Variants in KCNK9 observed in about 807,000 individuals in gnomAD.
KCNK9 encodes potassium two pore domain channel subfamily K member 9, also known as potassium channel subfamily K member 9.
KCNK9 carries 1 observed loss-of-function variant against 10.8 expected under a neutral mutation model. The ratio of observed to expected loss-of-function variants is 0.09; its 90% CI spans 0.03 to 0.44. The LOEUF is 0.44. KCNK9 is among the 20% of genes least tolerant of loss of function. The pLI is 0.97. For missense variants in KCNK9, 303 were observed against 515.0 expected (o/e 0.59, Z 3.98); for synonymous variants, 231 against 222.7 (o/e 1.04, Z -0.33).
At chr8:139,651,386 C>A (rs1159085166) in intron 1 of KCNK9, among the ~76,000 whole-genome samples, 1 of 152,220 alleles carries the variant, frequency 6.6e-6, no homozygotes. Flanking sequence ...GCACGGCAAC[C>A]ACACCTGGCC....
intron 1 of KCNK9, among the ~76,000 whole-genome samples, chr8:139,701,529 C>A (rs1233765365): frequency 1.3e-5 from 2 of 151,808 alleles, no homozygotes; most frequent in Non-Finnish European, 2.9e-5. Flanking sequence ...ACAGGAGGAG[C>A]TGGGAAGAAG....
chr8:139,676,086 T>C (rs112586630), intron 1 of KCNK9, among the ~76,000 whole-genome samples: 13 of 152,336 alleles, frequency 8.5e-5, no homozygotes, highest in African/African-American at 3.1e-4. Context: ...GGCCACAAGA[T>C]GGAAGGAGCC....
intron 1 of KCNK9, among the ~76,000 whole-genome samples, chr8:139,697,929 C>G (rs887477019): frequency 6.6e-5 from 10 of 152,138 alleles, no homozygotes; most frequent in Admixed American, 6.5e-4. Flanking sequence ...CTCCTGGCTC[C>G]CCAGCATGGC....
chr8:139,622,727 T>C (rs1265708625), intron 1 of KCNK9, among the ~76,000 whole-genome samples: 1 of 152,204 alleles, frequency 6.6e-6, no homozygotes, highest in East Asian at 1.9e-4. Context: ...TGTTTTCCCC[T>C]GGTCTGCTTA....
intron 1 of KCNK9, among the ~76,000 whole-genome samples, chr8:139,620,167 G>A (rs989749987): frequency 3.9e-5 from 6 of 152,224 alleles, no homozygotes; most frequent in Non-Finnish European, 8.8e-5. Flanking sequence ...AGGAACAAGA[G>A]ACTCAGTAGG....
At chr8:139,692,429 G>A (rs140575818) in intron 1 of KCNK9, among the ~76,000 whole-genome samples, 5 of 152,292 alleles carry the variant, frequency 3.3e-5, no homozygotes, top group Admixed American at 1.3e-4. Context: ...TCCCTTTCAC[G>A]AAACACTCTG....
intron 1 of KCNK9, among the ~76,000 whole-genome samples, chr8:139,659,804 G>A (rs1344257198): frequency 1.3e-5 from 2 of 151,636 alleles, no homozygotes; most frequent in African/African-American, 4.9e-5. Flanking sequence ...ATACGGGCGT[G>A]AGCCACTGCA....
chr8:139,697,769 G>A (rs1459714096), intron 1 of KCNK9, among the ~76,000 whole-genome samples: 1 of 152,094 alleles, frequency 6.6e-6, no homozygotes, highest in African/African-American at 2.4e-5. Flanking sequence ...TCTCTTTGAT[G>A]TACCCCAGAA....
At chr8:139,636,069 A>G (rs1183589589) in intron 1 of KCNK9, among the ~76,000 whole-genome samples, 1 of 152,204 alleles carries the variant, frequency 6.6e-6, no homozygotes, top group African/African-American at 2.4e-5. Context: ...AATTCTGTTC[A>G]TTCCATGTAC....
At chr8:139,691,076 C>A (rs891392290) in intron 1 of KCNK9, among the ~76,000 whole-genome samples, 1 of 152,248 alleles carries the variant, frequency 6.6e-6, no homozygotes, top group Non-Finnish European at 1.5e-5. Flanking sequence ...ACACACGGCA[C>A]CCTTCCCCAC....
At chr8:139,610,581 T>G (rs1814390984), downstream of KCNK9, among the ~76,000 whole-genome samples, 1 of 152,224 alleles carries the variant, frequency 6.6e-6, no homozygotes, top group Non-Finnish European at 1.5e-5. Flanking sequence ...GTCCTCTGCC[T>G]GTCAAAACCC....
At chr8:139,648,811 T>A (rs924344427) in intron 1 of KCNK9, among the ~76,000 whole-genome samples, 2 of 152,198 alleles carry the variant, frequency 1.3e-5, no homozygotes, top group Admixed American at 6.5e-5. Flanking sequence ...ACACGTGCCG[T>A]GGGCAGATGA....
chr8:139,663,030 G>GC (rs1191607013), intron 1 of KCNK9, among the ~76,000 whole-genome samples: 1 of 152,002 alleles, frequency 6.6e-6, no homozygotes, highest in Non-Finnish European at 1.5e-5. Context: ...CCCACAAAGT[G>GC]CCCCAGTGCT....
chr8:139,674,511 A>G (rs1816505402), intron 1 of KCNK9, among the ~76,000 whole-genome samples: 1 of 152,152 alleles, frequency 6.6e-6, no homozygotes, highest in Admixed American at 6.5e-5. Flanking sequence ...TGTGAGGGGC[A>G]GGGACCCGGT....
At chr8:139,697,269 G>C (rs1172094550) in intron 1 of KCNK9, among the ~76,000 whole-genome samples, 1 of 151,160 alleles carries the variant, frequency 6.6e-6, no homozygotes, top group South Asian at 2.1e-4. Context: ...TGGATGGATG[G>C]ATAGGTAGAT....
intron 1 of KCNK9, among the ~76,000 whole-genome samples, chr8:139,634,645 C>A (rs1046240100): frequency 6.6e-6 from 1 of 152,144 alleles, no homozygotes. Flanking sequence ...GGCTCAGACC[C>A]CAATTTGTCT....
intron 1 of KCNK9, among the ~76,000 whole-genome samples, chr8:139,652,729 T>C (rs1815905230): frequency 2.0e-5 from 3 of 152,170 alleles, no homozygotes. Context: ...ATTTTATGGG[T>C]CCATAAATAC....
chr8:139,627,029 T>G (rs1323368159), intron 1 of KCNK9, among the ~76,000 whole-genome samples: 2 of 152,190 alleles, frequency 1.3e-5, no homozygotes, highest in African/African-American at 4.8e-5. Flanking sequence ...AGCAAAGTGA[T>G]GCATGGGTCG....
intron 1 of KCNK9, among the ~76,000 whole-genome samples, chr8:139,660,740 A>G (rs945712748): frequency 3.9e-5 from 6 of 152,222 alleles, no homozygotes; most frequent in Admixed American, 2.6e-4. Flanking sequence ...TAAAGGACTT[A>G]GCCCAGGAGA....
Sources: gnomAD v4.1 joint callset for allele counts (sites outside exome capture counted in the v4.1 genomes callset) on GRCh38, gnomAD v4.1.1 for gene constraint, MANE v1.5 for transcripts, NCBI Gene and HGNC (gene_info 2026-07-23, HGNC 2026-07-21) for gene names.